AZI2: variants seen among roughly 807,000 people sequenced by gnomAD.
AZI2 encodes the protein 5-azacytidine-induced protein 2.
AZI2 carries 22 observed loss-of-function variants against 45.8 expected under a neutral mutation model. The observed-to-expected ratio is 0.48, with a 90% CI of 0.34 to 0.69. AZI2 has a LOEUF of 0.69. Ranked by LOEUF, AZI2 falls within the 30% of genes least tolerant of loss-of-function variation. The probability of loss-of-function intolerance (pLI) is 0.01; values close to 1 mark genes in which losing one functional copy is unlikely to be tolerated. For synonymous variants in AZI2, 137 were observed against 156.7 expected, an observed-to-expected ratio of 0.87 and a Z score of 0.94; for missense variants, 417 against 441.5, an observed-to-expected ratio of 0.94 and a Z score of 0.50.
At chr3:28,341,599 G>A (rs1252664829) in intron 1 of AZI2, 2 of 152,022 alleles carry the variant, frequency 1.3e-5, no homozygotes, top group African/African-American at 4.8e-5. Context: ...TTAGGTTCCT[G>A]AAAAACATGA....
intron 1 of AZI2, among the ~76,000 whole-genome samples, chr3:28,346,024 AAT>A (rs760581214): frequency 6.6e-6 from 1 of 152,160 alleles, no homozygotes; most frequent in Non-Finnish European, 1.5e-5. Flanking sequence ...AGAAAAGTTA[AAT>A]ACCTTACCTA....
intron 1 of AZI2, among the ~76,000 whole-genome samples, chr3:28,341,177 G>A (rs1467781408): frequency 1.3e-5 from 2 of 151,988 alleles, no homozygotes; most frequent in African/African-American, 4.8e-5. Context: ...TAGAATAGAA[G>A]ACAAATTAAT....
rs1703966000 is a variant in AZI2 at position 28,340,417 on chromosome 3, T to C, written c.201A>G (p.Arg67=). 1 of 1,589,828 alleles carries C rather than the reference T, an allele frequency of 6.3e-7. No homozygotes were observed. Among genetic ancestry groups the C allele is most frequent in the African/African-American group, 1.3e-5 (1 of 74,214 alleles). Residue 67 remains arginine (R), a synonymous_variant, in exon 2 of 8, where the codon AGA becomes AGG. Transcript: ENST00000479665. ...TAAAAATTACCTTTTCTTCCAAAAATCTTATTCTCTTCTTTAACAAAGAGT... is the reference window on the plus strand; with the variant it reads ...TAAAAATTACCTTTTCTTCCAAAAACCTTATTCTCTTCTTTAACAAAGAGT... The part of the protein sequence containing the change: ...KENSLLKKRI[R]FLEEKLIARF...
intron 1 of AZI2, among the ~76,000 whole-genome samples, chr3:28,345,866 T>A (rs1411828196): frequency 2.6e-5 from 4 of 152,120 alleles, no homozygotes; most frequent in Non-Finnish European, 2.9e-5. Flanking sequence ...GATTATCCTG[T>A]CATATTTCAT....
In AZI2 at chr3:28,324,072, T is replaced by C; in HGVS notation, c.1149A>G (p.Gln383=). The C allele has an allele frequency of 6.2e-7, 1 of 1,609,316 alleles. No individual in the cohort carries two copies. Among genetic ancestry groups the C allele is most frequent in the Non-Finnish European group, 8.5e-7 (1 of 1,176,858 alleles). ...TCTTATAAAGGCAGTTCTGATTATG[T>C]TGATCCAAGTAATGCAGTGGTGGAA... ...PNLPPLHYLD[Q]HNQNCLYKN is the part of the protein sequence containing the mutation. The change falls in exon 8 of 8, where the codon CAA becomes CAG. Residue 383 remains glutamine, a synonymous_variant. Coordinates refer to ENST00000479665, the MANE Select transcript of AZI2 (RefSeq NM_022461.5).
At position 28,331,836 on chromosome 3, in the gene AZI2, A is replaced by G. The variant is rs1332441445; in HGVS notation, c.647+533T>C. ...TACGTATTTGAGGAAAAAGGGTTGA[A>G]AAAGTATATGAACTCTGATGGCTAC... On this transcript the variant is annotated intron_variant, in intron 6 of 7. Coordinates refer to ENST00000479665, the MANE Select transcript of AZI2 (RefSeq NM_022461.5). 3.9e-6 allele frequency: 6 copies of G among 1,543,756 alleles called. No homozygotes were observed. In the East Asian group the frequency reaches 1.2e-4, roughly 32 times the overall value.
In AZI2 at chr3:28,322,295, A is replaced by C. The variant is rs999756897; in HGVS notation, c.*1747T>G. 3.3e-5 allele frequency: 5 copies of C among 151,278 alleles called. No individual in the cohort carries two copies. Among genetic ancestry groups the C allele is most frequent in the African/African-American group, 1.2e-4 (5 of 41,354 alleles). The allele number at this position is 151,278 out of a possible 1,614,324, so 9.4% of individuals were successfully genotyped here. ...TGTCTATTGTATGAATCATATTAAC[A>C]ACCAACAATTAGTACTAGATTTTGA... On this transcript the variant is annotated 3_prime_UTR_variant, in exon 8 of 8. Transcript: ENST00000479665.
intron 6 of AZI2, among the ~76,000 whole-genome samples, chr3:28,329,527 T>C (rs1343939418): frequency 2.6e-5 from 4 of 151,212 alleles, no homozygotes; most frequent in African/African-American, 7.3e-5. Flanking sequence ...TTACAAAGTG[T>C]AACAGCTAAA....
Position 28,323,970 on chromosome 3 carries a change from TTAAA to T in AZI2, c.*68_*71del, listed in dbSNP as rs1254833505. ...TTAATCAAAATCTCCTTTCAGTTTG[TTAAA>T]TAATTTCTTGGGAGGACCACTGAAA... On this transcript the variant is annotated 3_prime_UTR_variant, in exon 8 of 8. Transcript: ENST00000479665. 4 of 1,467,612 alleles carry T rather than the reference TTAAA, an allele frequency of 2.7e-6. No individual in the cohort carries two copies. The highest frequency in any genetic ancestry group is 3.7e-6 in the Non-Finnish European group (4 of 1,086,682). The allele number at this position is 1,467,612 out of a possible 1,614,324, so 90.9% of individuals were successfully genotyped here.
chr3:28,324,589 C>CT, intron 7 of AZI2, 135 bp from the exon 8 acceptor site: 1 of 713,824 alleles, frequency 1.4e-6, no homozygotes, highest in Non-Finnish European at 2.0e-6. Context: ...CATTGAGGCA[C>CT]TGTGACTAGG....
rs1703296353 is a variant in AZI2, at chr3:28,324,268, G to T, written c.953C>A (p.Ser318Ter). ...AATGGATCTCTCATTGTCTGTCCAT[G>T]ATTGGAGGATTGCTTTCTCTGATAA... Reference protein sequence around the residue: ...KVLSEKAILQSWTDNERSIPN... With the variant: ...KVLSEKAILQ The change falls in exon 8 of 8, where the codon TCA (serine) becomes TAA (stop). Residue 318 changes from serine (S) to a stop codon, truncating the protein, a stop_gained. Coordinates refer to ENST00000479665, the MANE Select transcript of AZI2 (RefSeq NM_022461.5). LOFTEE classifies it high-confidence loss of function. 1 of 1,609,106 alleles carries T rather than the reference G, an allele frequency of 6.2e-7. No individual in the cohort carries two copies.
chr3:28,329,558 CA>C (rs1184363349), intron 6 of AZI2, among the ~76,000 whole-genome samples: 1 of 151,230 alleles, frequency 6.6e-6, no homozygotes, highest in Non-Finnish European at 1.5e-5. Flanking sequence ...TCTTAATTGA[CA>C]CTATATATGG....
Position 28,321,840 on chromosome 3 carries a change from G to GAGGA in AZI2, c.*2198_*2201dup, listed in dbSNP as rs1217238303. On this transcript the variant is annotated 3_prime_UTR_variant, in exon 8 of 8. Coordinates refer to ENST00000479665, the MANE Select transcript of AZI2 (RefSeq NM_022461.5). ...TTTACTTTAGCTAATAAGGGAGCAA[G>GAGGA]AGGAAGGAATAGGTGGCTTTTTGTT... 2 of 151,354 alleles carry GAGGA rather than the reference G, an allele frequency of 1.3e-5. No homozygotes were observed. The highest frequency in any genetic ancestry group is 6.6e-5 in the Admixed American group (1 of 15,116). The allele number at this position is 151,354 out of a possible 1,614,324, so 9.4% of individuals were successfully genotyped here.
At chr3:28,325,353 C>G (rs1052628422) in intron 7 of AZI2, among the ~76,000 whole-genome samples, 8 of 151,000 alleles carry the variant, frequency 5.3e-5, no homozygotes, top group Admixed American at 2.7e-4. Flanking sequence ...TTAGAAGAAA[C>G]AGATTGAACG....
At chr3:28,324,481 C>T (rs1407355375) in intron 7 of AZI2, 27 bp from the exon 8 acceptor site, 3 of 1,429,390 alleles carry the variant, frequency 2.1e-6, no homozygotes, top group African/African-American at 1.4e-5. Context: ...GACTAAATGT[C>T]AGTTTTCATT....
At chr3:28,328,848 T>C (rs969931786) in intron 6 of AZI2, among the ~76,000 whole-genome samples, 15 of 151,272 alleles carry the variant, frequency 9.9e-5, no homozygotes, top group African/African-American at 3.6e-4. Flanking sequence ...TATTTTAAAT[T>C]CTATCTACTT....
chr3:28,321,063 C>T lies in AZI2; in HGVS notation c.*2979G>A, dbSNP rs1327429257. The T allele has an allele frequency of 6.6e-6, 1 of 151,250 alleles. No homozygotes were observed. The highest frequency in any genetic ancestry group is 1.5e-5 in the Non-Finnish European group (1 of 67,554). 9.4% of individuals were successfully genotyped at this position (151,250 alleles called of 1,614,324 possible). ...GTTCCACACTTTACTCTTGAGTGAA[C>T]CACTCAAAAAACTATTTTACTTTTA... is the stretch of plus-strand genomic sequence containing the variant. On this transcript the variant is annotated 3_prime_UTR_variant, in exon 8 of 8. Coordinates refer to ENST00000479665, the MANE Select transcript of AZI2 (RefSeq NM_022461.5).
At position 28,321,282 on chromosome 3, in the gene AZI2, T is replaced by G. The variant is rs976663045; in HGVS notation, c.*2760A>C. ...ACAGGAAGTTAACTGTTTTTAGAGA[T>G]AAATGAAAATGGAAGAGTTACTTTA... On this transcript the variant is annotated 3_prime_UTR_variant, in exon 8 of 8. Coordinates refer to ENST00000479665, the MANE Select transcript of AZI2 (RefSeq NM_022461.5). The G allele has an allele frequency of 2.6e-5, 4 of 151,306 alleles. No individual in the cohort carries two copies. Among genetic ancestry groups the G allele is most frequent in the African/African-American group, 7.3e-5 (3 of 41,324 alleles). 9.4% of individuals were successfully genotyped at this position (151,306 alleles called of 1,614,324 possible).
Position 28,322,193 on chromosome 3 carries a change from T to A in AZI2, c.*1849A>T, listed in dbSNP as rs917239071. On this transcript the variant is annotated 3_prime_UTR_variant, in exon 8 of 8. Transcript: ENST00000479665. ...TGTCACAGTCACTGACTTTTTAGTATACCTGTTTGATAGCTATCATCACTG... is the reference window on the plus strand; with the variant it reads ...TGTCACAGTCACTGACTTTTTAGTAAACCTGTTTGATAGCTATCATCACTG... The A allele has an allele frequency of 2.6e-5, 4 of 151,272 alleles. No individual in the cohort carries two copies. Among genetic ancestry groups the A allele is most frequent in the Non-Finnish European group, 4.4e-5 (3 of 67,438 alleles). The allele number at this position is 151,272 out of a possible 1,614,324, so 9.4% of individuals were successfully genotyped here.
Sources: gnomAD v4.1 joint callset for allele counts (sites outside exome capture counted in the v4.1 genomes callset) on GRCh38, gnomAD v4.1.1 for gene constraint, MANE v1.5 for transcripts, NCBI Gene and HGNC (gene_info 2026-07-23, HGNC 2026-07-21) for gene names.